Variants in FAM217B observed in about 807,000 individuals in gnomAD.
The protein encoded by FAM217B is protein FAM217B.
For synonymous variants in FAM217B, 163 were observed against 173.0 expected (o/e 0.94, Z 0.45); for missense variants, 463 against 456.9 (o/e 1.01, Z -0.12).
rs376226841 is a variant in FAM217B at position 59,944,783 on chromosome 20, T to C, written c.840T>C (p.Cys280=). 2.5e-5 allele frequency: 40 copies of C among 1,614,092 alleles called. No individual in the cohort carries two copies. The highest frequency in any genetic ancestry group is 3.3e-5 in the Non-Finnish European group (39 of 1,180,040). Reference sequence around the variant, plus strand: ...ATGTGCTTGGTGGTACCAGGTTTTGTTCTCAGAGGCAAACCCTTGAAATGA... The same window carrying C: ...ATGTGCTTGGTGGTACCAGGTTTTGCTCTCAGAGGCAAACCCTTGAAATGA... The part of the protein sequence containing the change: ...PIDVLGGTRF[C]SQRQTLEMRT... The change falls in exon 4 of 4, where the codon TGT becomes TGC. Residue 280 remains cysteine (C), a synonymous_variant. Coordinates refer to ENST00000360816, the MANE Select transcript of FAM217B (RefSeq NM_022106.3).
upstream of FAM217B, chr20:59,939,092 G>C (rs1315479218): frequency 1.9e-6 from 3 of 1,593,622 alleles, no homozygotes; most frequent in Middle Eastern, 5.0e-4. Flanking sequence ...GCGCGTGGTT[G>C]CGACATGTGA....
rs1473663406 is a variant in FAM217B, at chr20:59,944,859, T to G, written c.916T>G (p.Trp306Gly). Residue 306 changes from tryptophan (W) to glycine (G), a missense_variant, in exon 4 of 4, where the codon TGG becomes GGG. By Grantham distance (184) the Trp-to-Gly change is radical. Coordinates refer to ENST00000360816, the MANE Select transcript of FAM217B (RefSeq NM_022106.3). ...AAGTAAGAGTACGAAGCTGCAGCGCTGGGATCTGTCCGGCAGTGGAAGCAG... is the reference window on the plus strand; with the variant it reads ...AAGTAAGAGTACGAAGCTGCAGCGCGGGGATCTGTCCGGCAGTGGAAGCAG... ...KSSKSTKLQRWDLSGSGSSSK... is the reference protein window; with the variant it reads ...KSSKSTKLQRGDLSGSGSSSK... The G allele has an allele frequency of 2.0e-5, 32 of 1,614,064 alleles. No homozygotes were observed. Among genetic ancestry groups the G allele is most frequent in the Non-Finnish European group, 2.5e-5 (30 of 1,180,050 alleles).
At chr20:59,935,323 T>C (rs2060854433) in intron 1 of FAM217B, among the ~76,000 whole-genome samples, 1 of 152,248 alleles carries the variant, frequency 6.6e-6, no homozygotes, top group Non-Finnish European at 1.5e-5. Flanking sequence ...GTCTTTTTTA[T>C]TGCTTCATGT....
chr20:59,934,217 G>T (rs1333688711), intron 1 of FAM217B, among the ~76,000 whole-genome samples: 2 of 152,228 alleles, frequency 1.3e-5, no homozygotes, highest in African/African-American at 4.8e-5. Flanking sequence ...GGTGCCGGAG[G>T]GCGGGAGAGA....
upstream of FAM217B, chr20:59,937,416 T>C (rs1186599921): frequency 6.6e-6 from 1 of 152,622 alleles, no homozygotes; most frequent in Non-Finnish European, 1.5e-5. Context: ...CAAAATTCAG[T>C]GTTCTTATAT....
chr20:59,936,156 A>G (rs1289818512), upstream of FAM217B, among the ~76,000 whole-genome samples: 1 of 152,224 alleles, frequency 6.6e-6, no homozygotes, highest in East Asian at 1.9e-4. Flanking sequence ...AGACAACTGT[A>G]ACACAAGGGT....
chr20:59,935,344 C>G (rs772923063), intron 1 of FAM217B, among the ~76,000 whole-genome samples: 4 of 151,928 alleles, frequency 2.6e-5, no homozygotes, highest in African/African-American at 4.8e-5. Flanking sequence ...GTTCAGGAAG[C>G]CTGCGGATTA....
chr20:59,933,907 C>G (rs1227758672), intron 1 of FAM217B: 1 of 152,420 alleles, frequency 6.6e-6, no homozygotes, highest in Non-Finnish European at 1.5e-5. Flanking sequence ...GCGCTATGCT[C>G]TCCTGATGAA....
rs1203356877 is a variant in FAM217B, at chr20:59,946,528, A to G, written c.*1433A>G. 3 of 167,088 alleles carry G rather than the reference A, an allele frequency of 1.8e-5. No homozygotes were observed. Among genetic ancestry groups the G allele is most frequent in the African/African-American group, 7.2e-5 (3 of 41,442 alleles). 10.4% of individuals were successfully genotyped at this position (167,088 alleles called of 1,614,324 possible). The stretch of plus-strand genomic sequence containing the variant: ...ATGTAGCTCTAATTATACGTATATA[A>G]TTATAAAAAACAATGTGCAAGGGTT... On this transcript the variant is annotated 3_prime_UTR_variant, in exon 4 of 4. Transcript: ENST00000360816.
At chr20:59,935,548 G>A (rs2060857150), upstream of FAM217B, among the ~76,000 whole-genome samples, 1 of 152,188 alleles carries the variant, frequency 6.6e-6, no homozygotes, top group South Asian at 2.1e-4. Context: ...TGATGGGATT[G>A]CTTGAGGCCA....
rs1041415102 is a variant in FAM217B, at chr20:59,945,515, A to G, written c.*420A>G. 2 of 169,634 alleles carry G rather than the reference A, an allele frequency of 1.2e-5. No individual in the cohort carries two copies. The highest frequency in any genetic ancestry group is 2.9e-5 in the Non-Finnish European group (2 of 69,824). 10.5% of individuals were successfully genotyped at this position (169,634 alleles called of 1,614,324 possible). ...TGTTTCAAATGGTGTGGAATCCTAA[A>G]TGTTTAAAATAAGGTCCTTCTTGCC... On this transcript the variant is annotated 3_prime_UTR_variant, in exon 4 of 4. Transcript: ENST00000360816.
chr20:59,944,889 A>G lies in FAM217B; in HGVS notation c.946A>G (p.Lys316Glu), dbSNP rs2060928399. Residue 316 changes from lysine to glutamate, a missense_variant, in exon 4 of 4, where the codon AAG becomes GAG. Physicochemically the swap from Lys to Glu is moderately conservative, Grantham distance 56. Coordinates refer to ENST00000360816, the MANE Select transcript of FAM217B (RefSeq NM_022106.3). ...TCTGTCCGGCAGTGGAAGCAGCTCTAAGGTGGAAACCAGCGGTCACATTCG... is the reference window on the plus strand; with the variant it reads ...TCTGTCCGGCAGTGGAAGCAGCTCTGAGGTGGAAACCAGCGGTCACATTCG... ...WDLSGSGSSS[K>E]VETSGHIRVP... 6.2e-7 allele frequency: 1 copy of G among 1,614,216 alleles called. No individual in the cohort carries two copies. The highest frequency in any genetic ancestry group is 8.5e-7 in the Non-Finnish European group (1 of 1,180,038).
At chr20:59,939,867 C>T, upstream of FAM217B, 5 of 1,246,898 alleles carry the variant, frequency 4.0e-6, no homozygotes, top group South Asian at 7.7e-5. Context: ...GCTGAGGCTC[C>T]GGGGGCCGAG....
At chr20:59,936,209 G>A (rs137991245), upstream of FAM217B, among the ~76,000 whole-genome samples, 2 of 152,248 alleles carry the variant, frequency 1.3e-5, no homozygotes, top group African/African-American at 4.8e-5. Flanking sequence ...AAAAAATCTG[G>A]TATAATTCCA....
upstream of FAM217B, chr20:59,939,403 C>G (rs768838779): frequency 1.9e-6 from 3 of 1,610,350 alleles, no homozygotes; most frequent in Admixed American, 1.7e-5. Context: ...TCCAGGCACA[C>G]GAGCTGCCGC....
chr20:59,940,559 C>G (rs1408180399), intron 1 of FAM217B, 24 bp downstream of exon 1: 1 of 152,272 alleles, frequency 6.6e-6, no homozygotes, highest in South Asian at 2.1e-4. Context: ...CTGTTTACGT[C>G]TGCCTGGATT....
chr20:59,936,121 A>T (rs1274819227), upstream of FAM217B, among the ~76,000 whole-genome samples: 2 of 152,234 alleles, frequency 1.3e-5, no homozygotes, highest in Non-Finnish European at 2.9e-5. Flanking sequence ...ACCTGTATAC[A>T]GCATGTTACT....
chr20:59,937,353 GTGAACAGTGCTAATAGCC>G (rs2060868303), upstream of FAM217B: 2 of 152,780 alleles, frequency 1.3e-5, no homozygotes, highest in Middle Eastern at 3.4e-3. Context: ...TGTTAATGTA[GTGAACAGTGCTAATAGCC>G]AGAGATTGTG....
At chr20:59,943,389 A>G (rs1017893722) in intron 3 of FAM217B, among the ~76,000 whole-genome samples, 9 of 152,216 alleles carry the variant, frequency 5.9e-5, no homozygotes. Flanking sequence ...GATTTAAGGT[A>G]CAGGTTTGTA....
Sources: gnomAD v4.1 joint callset for allele counts (sites outside exome capture counted in the v4.1 genomes callset) on GRCh38, gnomAD v4.1.1 for gene constraint, MANE v1.5 for transcripts, NCBI Gene and HGNC (gene_info 2026-07-23, HGNC 2026-07-21) for gene names.